Variants in ATG10 observed in about 807,000 individuals in gnomAD.
ATG10 encodes ubiquitin-like-conjugating enzyme ATG10.
In ATG10, 30 loss-of-function variants were observed where a neutral mutation model predicts 32.1. The ratio of observed to expected loss-of-function variants is 0.94; its 90% CI spans 0.70 to 1.27. The LOEUF (loss-of-function observed/expected upper bound fraction) is 1.27, where lower values mean the gene tolerates loss of function less well. Ranked by LOEUF, ATG10 falls within the 50% of genes most tolerant of loss-of-function variation. The pLI is 0.00. For missense variants in ATG10, 233 were observed against 262.3 expected (o/e 0.89, Z 0.77); for synonymous variants, 87 against 91.5 (o/e 0.95, Z 0.28).
At chr5:82,035,189 G>T (rs564315415) in intron 2 of ATG10, among the ~76,000 whole-genome samples, 1 of 152,298 alleles carries the variant, frequency 6.6e-6, no homozygotes, top group African/African-American at 2.4e-5. Context: ...TGGGATTACA[G>T]GCATGAGCTG....
intron 2 of ATG10, among the ~76,000 whole-genome samples, chr5:82,014,634 C>A (rs931712754): frequency 3.7e-4 from 56 of 152,052 alleles, no homozygotes; most frequent in South Asian, 1.2e-3. Flanking sequence ...CTGTTTTATC[C>A]GAGACTAGGA....
At chr5:82,238,699 A>G (rs989283373) in intron 5 of ATG10, among the ~76,000 whole-genome samples, 1 of 152,212 alleles carries the variant, frequency 6.6e-6, no homozygotes, top group African/African-American at 2.4e-5. Flanking sequence ...GGATATATGT[A>G]TGAGTGTTTA....
intron 2 of ATG10, among the ~76,000 whole-genome samples, chr5:82,044,122 C>A (rs1362333656): frequency 6.6e-6 from 1 of 152,070 alleles, no homozygotes; most frequent in Admixed American, 6.6e-5. Context: ...TCACAGTTTG[C>A]AGGCTTACCA....
chr5:82,109,139 C>G (rs908814413), intron 3 of ATG10, among the ~76,000 whole-genome samples: 1 of 151,982 alleles, frequency 6.6e-6, no homozygotes, highest in African/African-American at 2.4e-5. Flanking sequence ...ACAGAAGGAG[C>G]CTGCACAAAC....
chr5:82,204,048 C>T (rs1041895854), intron 5 of ATG10, among the ~76,000 whole-genome samples: 2 of 151,928 alleles, frequency 1.3e-5, no homozygotes, highest in African/African-American at 4.8e-5. Context: ...TATGATAGAA[C>T]ATGAAAAGAG....
intron 3 of ATG10, among the ~76,000 whole-genome samples, chr5:82,129,984 G>C (rs910219125): frequency 2.0e-5 from 3 of 152,114 alleles, no homozygotes; most frequent in Admixed American, 6.5e-5. Flanking sequence ...GGGAGATGGG[G>C]GTTTCATCTA....
intron 2 of ATG10, among the ~76,000 whole-genome samples, chr5:82,023,750 G>T (rs1471762364): frequency 1.3e-5 from 2 of 152,176 alleles, no homozygotes; most frequent in African/African-American, 4.8e-5. Flanking sequence ...CCCTTGAAGT[G>T]CACCCGCTGT....
chr5:81,973,510 A>G (rs1760787650), intron 1 of ATG10, among the ~76,000 whole-genome samples: 1 of 152,242 alleles, frequency 6.6e-6, no homozygotes, highest in Admixed American at 6.5e-5. Flanking sequence ...AATGCTTTTG[A>G]GCACACTAAG....
At chr5:82,037,926 A>AT (rs1184635169) in intron 2 of ATG10, among the ~76,000 whole-genome samples, 10 of 151,866 alleles carry the variant, frequency 6.6e-5, no homozygotes, top group Non-Finnish European at 1.2e-4. Context: ...CTCATTTAAG[A>AT]TTTTTTCTGC....
At chr5:81,975,153 A>AT (rs1222424476) in intron 1 of ATG10, among the ~76,000 whole-genome samples, 1 of 152,200 alleles carries the variant, frequency 6.6e-6, no homozygotes. Context: ...ACTAGTTCTT[A>AT]ATACATAGTA....
At position 82,088,164 on chromosome 5, in the gene ATG10, G is replaced by T. The variant is rs1476539788; in HGVS notation, c.216+29562G>T. Among the ~76,000 whole-genome samples, 4 of 151,716 alleles carry T rather than the reference G, an allele frequency of 2.6e-5. No homozygotes were observed. In the East Asian group the frequency reaches 7.7e-4, roughly 29 times the overall value. ...TTTTTTAGTTTTTCTTTAAATTTTGGGATCTACCACTCATCTTTTAAATAA... is the reference window on the plus strand; with the variant it reads ...TTTTTTAGTTTTTCTTTAAATTTTGTGATCTACCACTCATCTTTTAAATAA... On this transcript the variant is annotated intron_variant, in intron 3 of 7. Transcript: ENST00000282185.
chr5:82,225,978 C>T (rs1561366958), intron 5 of ATG10, among the ~76,000 whole-genome samples: 2 of 152,134 alleles, frequency 1.3e-5, no homozygotes, highest in African/African-American at 4.8e-5. Context: ...ACGTATTTAA[C>T]TTCTTTAGTG....
chr5:82,010,302 A>G (rs904835421), intron 2 of ATG10, among the ~76,000 whole-genome samples: 7 of 152,156 alleles, frequency 4.6e-5, no homozygotes, highest in African/African-American at 1.7e-4. Context: ...TATGTGGGGA[A>G]TTTCGTTTTG....
chr5:82,177,728 T>G (rs1011355700), intron 4 of ATG10, among the ~76,000 whole-genome samples: 1 of 152,108 alleles, frequency 6.6e-6, no homozygotes, highest in Non-Finnish European at 1.5e-5. Flanking sequence ...ATTGTTTGGG[T>G]GGATACAGAG....
chr5:82,063,092 G>T (rs1026536311), intron 3 of ATG10, among the ~76,000 whole-genome samples: 1 of 152,122 alleles, frequency 6.6e-6, no homozygotes, highest in African/African-American at 2.4e-5. Flanking sequence ...GCCAAGAGGG[G>T]AGGATTGCTT....
At chr5:82,219,868 C>T (rs1038602050) in intron 5 of ATG10, among the ~76,000 whole-genome samples, 8 of 152,186 alleles carry the variant, frequency 5.3e-5, no homozygotes, top group Non-Finnish European at 8.8e-5. Context: ...ATTAAAGGAG[C>T]ACCTATTATG....
Position 82,199,056 on chromosome 5 carries a change from C to T in ATG10, c.453+20469C>T, listed in dbSNP as rs531028257. Among the ~76,000 whole-genome samples, 21 of 152,222 alleles carry T rather than the reference C, an allele frequency of 1.4e-4. 1 individual carries two copies. The highest frequency in any genetic ancestry group is 3.4e-3 in the Middle Eastern group (1 of 294). On this transcript the variant is annotated intron_variant, in intron 5 of 7. Transcript: ENST00000282185. ...CACAGGGAATCTTCAATGCAAAATG[C>T]TCATATTTATTTCTTTTTAAAGAGA...
chr5:82,181,641 G>T (rs547413144), intron 5 of ATG10, among the ~76,000 whole-genome samples: 1 of 152,196 alleles, frequency 6.6e-6, no homozygotes, highest in East Asian at 1.9e-4. Flanking sequence ...TTATACTAAA[G>T]AATCATTAGC....
chr5:82,251,856 C>T (rs1032517132), intron 5 of ATG10, among the ~76,000 whole-genome samples: 2 of 152,124 alleles, frequency 1.3e-5, no homozygotes, highest in African/African-American at 4.8e-5. Flanking sequence ...ATCTTATATC[C>T]AATTACTACC....
Sources: gnomAD v4.1 joint callset for allele counts (sites outside exome capture counted in the v4.1 genomes callset) on GRCh38, gnomAD v4.1.1 for gene constraint, MANE v1.5 for transcripts, NCBI Gene and HGNC (gene_info 2026-07-23, HGNC 2026-07-21) for gene names.